MRPL45: variants seen among roughly 807,000 people sequenced by gnomAD.
The protein encoded by MRPL45 is mitochondrial ribosomal protein L45.
Under a neutral mutation model 38.1 loss-of-function variants are expected in MRPL45, and 20 were observed. That is an observed-to-expected ratio of 0.53 (90% CI 0.37 to 0.76). The LOEUF (loss-of-function observed/expected upper bound fraction) is 0.76. MRPL45 is among the 30% of genes least tolerant of loss of function. The pLI is 0.00. For synonymous variants in MRPL45, 105 were observed against 128.8 expected (o/e 0.82, Z 1.25); for missense variants, 337 against 395.6 (o/e 0.85, Z 1.26).
chr17:38,302,116 C>A (rs373550340), intron 3 of MRPL45, among the ~76,000 whole-genome samples: 315 of 75,462 alleles, frequency 4.2e-3, no homozygotes, highest in African/African-American at 6.7e-3. Context: ...GACTCCGTCT[C>A]AAAAAAAAAA....
chr17:38,317,531 A>G lies in MRPL45; in HGVS notation c.462-1156A>G, dbSNP rs7224392. 5.0e-3 allele frequency among the ~76,000 whole-genome samples: 754 copies of G among 152,186 alleles called. 5 individuals are homozygous for G. The highest frequency in any genetic ancestry group is 0.017 in the African/African-American group (692 of 41,536). On this transcript the variant is annotated intron_variant, in intron 4 of 7. Coordinates refer to ENST00000613675, the MANE Select transcript of MRPL45 (RefSeq NM_032351.6). ...GGAACCCTCCTAAAATCTTGTATCT[A>G]TAGGAGCTAGGGTTTGTTGTCTGTT...
chr17:38,317,185 T>C (rs77036237), intron 4 of MRPL45, among the ~76,000 whole-genome samples: 2,277 of 152,286 alleles, frequency 0.015, 52 homozygotes, highest in African/African-American at 0.051. Flanking sequence ...TGGAGTTTAT[T>C]TCCACTGAAG....
chr17:38,310,133 T>TC (rs1276222519), intron 4 of MRPL45, among the ~76,000 whole-genome samples: 2 of 147,704 alleles, frequency 1.4e-5, no homozygotes, highest in East Asian at 1.9e-4. Context: ...GAATTTTCTT[T>TC]TTTTTTTTTT....
chr17:38,316,536 G>A (rs1278360175), intron 4 of MRPL45, among the ~76,000 whole-genome samples: 1 of 151,780 alleles, frequency 6.6e-6, no homozygotes, highest in East Asian at 1.9e-4. Context: ...TTGGTCAGGT[G>A]TGGTGGCTCA....
At chr17:38,302,325 A>G (rs2037005192) in intron 3 of MRPL45, among the ~76,000 whole-genome samples, 1 of 151,112 alleles carries the variant, frequency 6.6e-6, no homozygotes, top group South Asian at 2.1e-4. Context: ...CATCTCTACT[A>G]AAGATACAAA....
At chr17:38,320,126 AG>A (rs1384232469) in intron 5 of MRPL45, among the ~76,000 whole-genome samples, 1 of 152,210 alleles carries the variant, frequency 6.6e-6, no homozygotes, top group East Asian at 1.9e-4. Flanking sequence ...AAATAAAAAA[AG>A]AACTTGGGTT....
chr17:38,316,618 G>A (rs1237281077), intron 4 of MRPL45, among the ~76,000 whole-genome samples: 1 of 151,406 alleles, frequency 6.6e-6, no homozygotes, highest in Non-Finnish European at 1.5e-5. Context: ...AGACCAGCCT[G>A]GCCAACATGG....
intron 4 of MRPL45, among the ~76,000 whole-genome samples, chr17:38,314,112 A>G (rs2037151767): frequency 6.6e-6 from 1 of 151,580 alleles, no homozygotes; most frequent in African/African-American, 2.4e-5. Context: ...TTTTATTATT[A>G]TTAGTTTTTG....
intron 3 of MRPL45, 77 bp downstream of exon 3, chr17:38,299,545 T>A (rs895157014): frequency 1.8e-6 from 2 of 1,098,490 alleles, no homozygotes; most frequent in African/African-American, 3.3e-5. Context: ...AGAGACCTTT[T>A]TGGGTTAATT....
intron 1 of MRPL45, among the ~76,000 whole-genome samples, chr17:38,298,184 C>T (rs965182446): frequency 1.2e-4 from 19 of 152,188 alleles, no homozygotes; most frequent in Non-Finnish European, 2.1e-4. Context: ...ACTCAGTATC[C>T]GTAGGAGTTA....
In MRPL45 at chr17:38,323,035, G is replaced by C; in HGVS notation, c.*440G>C. 6.2e-6 allele frequency: 1 copy of C among 160,194 alleles called. No individual in the cohort carries two copies. The highest frequency in any genetic ancestry group is 1.4e-5 in the Non-Finnish European group (1 of 72,578). 9.9% of individuals were successfully genotyped at this position (160,194 alleles called of 1,614,324 possible). On this transcript the variant is annotated 3_prime_UTR_variant, in exon 8 of 8. Coordinates refer to ENST00000613675, the MANE Select transcript of MRPL45 (RefSeq NM_032351.6). ...CAGGCTGGGCATGGACCAGCCTTCA[G>C]ATGGCAGAAGTGGAAGATGAGCCTA...
At chr17:38,306,024 TC>T (rs1173249076) in intron 3 of MRPL45, among the ~76,000 whole-genome samples, 1 of 152,156 alleles carries the variant, frequency 6.6e-6, no homozygotes, top group Non-Finnish European at 1.5e-5. Flanking sequence ...ATTCTAGAAT[TC>T]TGAAATTTCA....
At chr17:38,318,022 A>T (rs2037191499) in intron 4 of MRPL45, among the ~76,000 whole-genome samples, 1 of 151,692 alleles carries the variant, frequency 6.6e-6, no homozygotes, top group African/African-American at 2.4e-5. Context: ...AAGGCTAAAA[A>T]CATGGTGAAA....
At chr17:38,313,765 C>T (rs1274805929) in intron 4 of MRPL45, among the ~76,000 whole-genome samples, 9 of 151,192 alleles carry the variant, frequency 6.0e-5, no homozygotes, top group East Asian at 5.8e-4. Flanking sequence ...TGGGTTCAAG[C>T]GATTCTCCTG....
rs762322673 is a variant in MRPL45, at chr17:38,298,589, A to G, written c.207A>G (p.Pro69=). The G allele has an allele frequency of 6.2e-7, 1 of 1,613,244 alleles. No homozygotes were observed. ...GGAAAGCAGGATTGGTTATTCCTCC[A>G]GAAAAATCGGACCGTTCCATACATC... ...HARKAGLVIP[P]EKSDRSIHLA... Residue 69 remains proline, a synonymous_variant, in exon 2 of 8, where the codon CCA becomes CCG. Transcript: ENST00000613675.
chr17:38,306,514 C>G lies in MRPL45; in HGVS notation c.363-19C>G. The stretch of plus-strand genomic sequence containing the variant: ...AATTGTAAGACCTTTAGAAGTAATA[C>G]TCAGGCTTAATTTTACAGAATCCGG... On this transcript the variant is annotated intron_variant, in intron 3 of 7. Transcript: ENST00000613675. The G allele has an allele frequency of 6.3e-7, 1 of 1,579,228 alleles. No individual in the cohort carries two copies. Among genetic ancestry groups the G allele is most frequent in the Non-Finnish European group, 8.6e-7 (1 of 1,159,048 alleles).
Position 38,322,143 on chromosome 17 carries a change from C to A in MRPL45, c.678C>A (p.Asp226Glu). The change falls in exon 7 of 8, where the codon GAC (aspartate) becomes GAA (glutamate). Residue 226 changes from aspartate to glutamate, a missense_variant. By Grantham distance (45) the Asp-to-Glu change is conservative. Transcript: ENST00000613675. Reference protein sequence around the residue: ...MHTRQTLAIYDRFGRLMYGQE... With the variant: ...MHTRQTLAIYERFGRLMYGQE... ...CCTTGCAGACTCTGGCCATCTATGA[C>A]CGGTTTGGCCGGTTGATGTATGGAC... is the stretch of plus-strand genomic sequence containing the variant. The A allele has an allele frequency of 6.2e-7, 1 of 1,614,020 alleles. No individual in the cohort carries two copies. The highest frequency in any genetic ancestry group is 1.3e-5 in the African/African-American group (1 of 75,010).
chr17:38,322,710 C>G lies in MRPL45; in HGVS notation c.*115C>G. On this transcript the variant is annotated 3_prime_UTR_variant, in exon 8 of 8. Coordinates refer to ENST00000613675, the MANE Select transcript of MRPL45 (RefSeq NM_032351.6). ...TACCTTTGTTCTCTCCCATCCTGCTCAGGTCTTTTCAGCAGTCTCATCATC... is the reference window on the plus strand; with the variant it reads ...TACCTTTGTTCTCTCCCATCCTGCTGAGGTCTTTTCAGCAGTCTCATCATC... 1 of 768,178 alleles carries G rather than the reference C, an allele frequency of 1.3e-6. No individual in the cohort carries two copies. Among genetic ancestry groups the G allele is most frequent in the Non-Finnish European group, 2.1e-6 (1 of 479,222 alleles). 47.6% of individuals were successfully genotyped at this position (768,178 alleles called of 1,614,324 possible).
chr17:38,322,743 A>C lies in MRPL45; in HGVS notation c.*148A>C. On this transcript the variant is annotated 3_prime_UTR_variant, in exon 8 of 8. Coordinates refer to ENST00000613675, the MANE Select transcript of MRPL45 (RefSeq NM_032351.6). ...TTCAGCAGTCTCATCATCAGCAACC[A>C]TGACTGATGACTGGGCCCTAGCAGG... is the stretch of plus-strand genomic sequence containing the variant. 1 of 619,350 alleles carries C rather than the reference A, an allele frequency of 1.6e-6. No individual in the cohort carries two copies. 38.4% of individuals were successfully genotyped at this position (619,350 alleles called of 1,614,324 possible). A position where few individuals can be genotyped will look rare whatever the true frequency, so the allele number is the denominator to read the frequency against.
Sources: allele counts gnomAD v4.1 joint callset (sites outside exome capture counted in the v4.1 genomes callset), GRCh38; gene constraint gnomAD v4.1.1; transcripts MANE v1.5; gene names NCBI Gene and HGNC (gene_info 2026-07-23, HGNC 2026-07-21).